The following FHIT variants were observed in gnomAD, a reference collection of about 807,000 sequenced individuals.
FHIT encodes bis(5'-adenosyl)-triphosphatase.
In FHIT, 19 loss-of-function variants were observed where a neutral mutation model predicts 17.9. The ratio of observed to expected loss-of-function variants is 1.06; its 90% CI spans 0.74 to 1.56. The LOEUF is 1.56. FHIT is among the 40% of genes most tolerant of loss of function. The pLI, the probability that FHIT is intolerant of heterozygous loss-of-function variation, is 0.00. For missense variants in FHIT, 248 were observed against 189.2 expected, an observed-to-expected ratio of 1.31 and a Z score of -1.82; for synonymous variants, 81 against 69.7, an observed-to-expected ratio of 1.16 and a Z score of -0.81.
At chr3:61,006,034 G>A (rs1401406672) in intron 3 of FHIT, among the ~76,000 whole-genome samples, 1 of 151,948 alleles carries the variant, frequency 6.6e-6, no homozygotes, top group Non-Finnish European at 1.5e-5. Context: ...GTGGTAAGTA[G>A]GGAGCAGGAA....
intron 4 of FHIT, among the ~76,000 whole-genome samples, chr3:60,808,848 C>T (rs991519063): frequency 2.6e-5 from 4 of 152,144 alleles, no homozygotes; most frequent in Admixed American, 1.3e-4. Context: ...GCCAAAACTT[C>T]AGCATGAGTA....
chr3:60,860,196 C>CTGAT (rs1553751105), intron 3 of FHIT, among the ~76,000 whole-genome samples: 1 of 132,826 alleles, frequency 7.5e-6, no homozygotes. Flanking sequence ...TGAGATACAT[C>CTGAT]ATATGTATAT....
chr3:60,446,774 G>A (rs987557320), intron 5 of FHIT, among the ~76,000 whole-genome samples: 1 of 151,642 alleles, frequency 6.6e-6, no homozygotes, highest in African/African-American at 2.4e-5. Flanking sequence ...GACTGCTTGA[G>A]CCCAGGAGTT....
intron 4 of FHIT, among the ~76,000 whole-genome samples, chr3:60,588,360 T>C (rs1166975128): frequency 6.6e-6 from 1 of 152,038 alleles, no homozygotes; most frequent in East Asian, 1.9e-4. Context: ...AACAGTCAAA[T>C]GACTGAAATC....
intron 1 of FHIT, among the ~76,000 whole-genome samples, chr3:61,223,581 T>C (rs1227974676): frequency 1.3e-5 from 2 of 152,234 alleles, no homozygotes; most frequent in African/African-American, 4.8e-5. Flanking sequence ...TAAACATTTT[T>C]GCAAGGCATC....
At chr3:60,689,189 C>T (rs2040930278) in intron 4 of FHIT, among the ~76,000 whole-genome samples, 1 of 152,122 alleles carries the variant, frequency 6.6e-6, no homozygotes, top group Non-Finnish European at 1.5e-5. Context: ...CTCCTCCTTG[C>T]CTTTCACCTT....
At chr3:60,782,237 G>GTATA (rs11272366) in intron 4 of FHIT, among the ~76,000 whole-genome samples, 12,472 of 95,442 alleles carry the variant, frequency 0.13, 727 homozygotes, top group African/African-American at 0.19. Flanking sequence ...GTGTGTGTGT[G>GTATA]TATATATATA....
At chr3:59,954,825 C>T (rs140954009) in intron 7 of FHIT, among the ~76,000 whole-genome samples, 96 of 152,128 alleles carry the variant, frequency 6.3e-4, no homozygotes, top group African/African-American at 2.0e-3. Flanking sequence ...CTTTTGAAAA[C>T]GAAGAAACCA....
intron 3 of FHIT, among the ~76,000 whole-genome samples, chr3:61,008,492 T>C (rs1424306589): frequency 6.6e-6 from 1 of 151,066 alleles, no homozygotes; most frequent in Non-Finnish European, 1.5e-5. Context: ...AAAAAAAAAA[T>C]GACAAGCGAA....
intron 5 of FHIT, among the ~76,000 whole-genome samples, chr3:60,477,862 G>A (rs912322536): frequency 2.0e-5 from 3 of 151,994 alleles, no homozygotes; most frequent in Admixed American, 6.6e-5. Context: ...AATATGATAG[G>A]GAGCAACACT....
intron 3 of FHIT, among the ~76,000 whole-genome samples, chr3:60,827,448 T>C (rs1412866947): frequency 6.6e-6 from 1 of 152,182 alleles, no homozygotes; most frequent in Non-Finnish European, 1.5e-5. Flanking sequence ...TTTCTAACAA[T>C]AAAACGAGCA....
chr3:60,030,252 G>A (rs115032190), intron 5 of FHIT, among the ~76,000 whole-genome samples: 396 of 152,166 alleles, frequency 2.6e-3, no homozygotes, highest in African/African-American at 8.2e-3. Context: ...TGGATAATGC[G>A]CAACAAGCAA....
intron 4 of FHIT, among the ~76,000 whole-genome samples, chr3:60,552,368 G>C (rs1576863996): frequency 6.6e-6 from 1 of 152,096 alleles, no homozygotes; most frequent in Non-Finnish European, 1.5e-5. Context: ...GATCATGTGG[G>C]AACTCTGTAT....
intron 5 of FHIT, among the ~76,000 whole-genome samples, chr3:60,386,902 G>A (rs951911995): frequency 3.3e-5 from 5 of 151,998 alleles, no homozygotes; most frequent in African/African-American, 1.2e-4. Context: ...AGCAACTGGT[G>A]GTCCACAATT....
chr3:60,689,331 A>G (rs2040934012), intron 4 of FHIT, among the ~76,000 whole-genome samples: 1 of 152,222 alleles, frequency 6.6e-6, no homozygotes, highest in African/African-American at 2.4e-5. Context: ...TCAGGAAAAA[A>G]AAATGGCATC....
intron 3 of FHIT, among the ~76,000 whole-genome samples, chr3:60,922,080 GA>G (rs1387558748): frequency 9.2e-5 from 14 of 152,178 alleles, no homozygotes; most frequent in African/African-American, 3.4e-4. Context: ...AACCTTAAAA[GA>G]GAGTCTAGAA....
chr3:60,725,782 T>A (rs2107974639), intron 4 of FHIT, among the ~76,000 whole-genome samples: 1 of 152,302 alleles, frequency 6.6e-6, no homozygotes, highest in South Asian at 2.1e-4. Context: ...ATTTTGTACT[T>A]AGTATGTGCC....
chr3:60,961,365 C>G (rs1160576527), intron 3 of FHIT, among the ~76,000 whole-genome samples: 1 of 151,866 alleles, frequency 6.6e-6, no homozygotes, highest in Non-Finnish European at 1.5e-5. Context: ...AAAACTTTAT[C>G]CCATTCTGTA....
chr3:60,453,361 T>C (rs2031872891), intron 5 of FHIT, among the ~76,000 whole-genome samples: 1 of 152,132 alleles, frequency 6.6e-6, no homozygotes, highest in Non-Finnish European at 1.5e-5. Context: ...ACTTTTAAGC[T>C]CTTAAAGGCG....
Sources: gnomAD v4.1 joint callset for allele counts (sites outside exome capture counted in the v4.1 genomes callset) on GRCh38, gnomAD v4.1.1 for gene constraint, MANE v1.5 for transcripts, NCBI Gene and HGNC (gene_info 2026-07-23, HGNC 2026-07-21) for gene names.